Variants in FAS observed in about 807,000 individuals in gnomAD.
FAS encodes the protein tumor necrosis factor receptor superfamily member 6.
A neutral mutation model predicts 33.2 loss-of-function variants in FAS; 5 were observed. The observed-to-expected ratio is 0.15, with a 90% CI of 0.08 to 0.32. The LOEUF (loss-of-function observed/expected upper bound fraction) is 0.32, where lower values mean the gene tolerates loss of function less well. FAS is among the 10% of genes least tolerant of loss of function. The probability of loss-of-function intolerance (pLI) is 1.00; values close to 1 mark genes in which losing one functional copy is unlikely to be tolerated. For missense variants in FAS, 339 were observed against 386.0 expected (o/e 0.88, Z 1.02); for synonymous variants, 131 against 130.7 (o/e 1.00, Z -0.01).
Position 89,015,229 on chromosome 10 carries a change from A to C in FAS, c.*779A>C. The C allele has an allele frequency of 1.9e-6, 1 of 534,808 alleles. No homozygotes were observed. The highest frequency in any genetic ancestry group is 3.6e-6 in the Non-Finnish European group (1 of 276,708). The allele number at this position is 534,808 out of a possible 1,614,324, so 33.1% of individuals were successfully genotyped here. ...CCATTTTTGCCTTGGTGCTCATCTT[A>C]ATGGCCTAATGCACCCCCAAACATG... On this transcript the variant is annotated 3_prime_UTR_variant, in exon 9 of 9. Transcript: ENST00000652046.
chr10:88,989,976 G>C (rs1477323068), upstream of FAS, among the ~76,000 whole-genome samples: 1 of 152,194 alleles, frequency 6.6e-6, no homozygotes. Context: ...GTGTTCACCA[G>C]AGCACGAAAG....
In FAS at chr10:89,014,379, A is replaced by G. The variant is rs751341397; in HGVS notation, c.937A>G (p.Ile313Val). The G allele has an allele frequency of 2.5e-6, 4 of 1,613,494 alleles. No homozygotes were observed. Among genetic ancestry groups the G allele is most frequent in the East Asian group, 2.2e-5 (1 of 44,864 alleles). Residue 313 changes from isoleucine to valine, a missense_variant, in exon 9 of 9, where the codon ATC (isoleucine) becomes GTC (valine). By Grantham distance (29) the Ile-to-Val change is conservative (BLOSUM62 3). Transcript: ENST00000652046. The stretch of plus-strand genomic sequence containing the variant: ...TACTCTTGCAGAGAAAATTCAGACT[A>G]TCATCCTCAAGGACATTACTAGTGA... ...LCTLAEKIQT[I>V]ILKDITSDSE...
At chr10:88,973,182 A>T (rs962982640) in exon 2 of FAS, 1 of 1,611,834 alleles carries the variant, frequency 6.2e-7, no homozygotes, top group Non-Finnish European at 8.5e-7. Context: ...TGACCTATAG[A>T]TTCAGAAATT....
intron 2 of FAS, among the ~76,000 whole-genome samples, chr10:88,978,835 A>C (rs1846637734): frequency 6.6e-6 from 1 of 152,120 alleles, no homozygotes. Flanking sequence ...TGACACCTGA[A>C]GCTATTAGAA....
At chr10:88,981,928 A>G (rs541611134), upstream of FAS, among the ~76,000 whole-genome samples, 3 of 152,358 alleles carry the variant, frequency 2.0e-5, no homozygotes, top group East Asian at 5.8e-4. Context: ...TACTTGACAC[A>G]TGAACTTGAT....
chr10:88,995,950 AGGTTGTG>A (rs1847562293), intron 1 of FAS, among the ~76,000 whole-genome samples: 1 of 152,334 alleles, frequency 6.6e-6, no homozygotes, highest in East Asian at 1.9e-4. Flanking sequence ...AGCTTACTAT[AGGTTGTG>A]TTAAGGCATG....
rs774178288 is a variant in FAS at position 89,003,156 on chromosome 10, A to G, written c.158A>G (p.His53Arg). ...TVETQNLEGL[H>R]HDGQFCHKPC... ...GAGACTCAGAACTTGGAAGGCCTGC[A>G]TCATGATGGCCAATTCTGCCATAAG... Residue 53 changes from histidine to arginine, a missense_variant, in exon 2 of 9, where the codon CAT becomes CGT. His to Arg is a conservative substitution (Grantham distance 29). Coordinates refer to ENST00000652046, the MANE Select transcript of FAS (RefSeq NM_000043.6). The G allele has an allele frequency of 2.5e-6, 4 of 1,614,204 alleles. No homozygotes were observed. The African/African-American group carries it at 4.0e-5, about 16-fold the overall frequency.
chr10:89,005,557 G>A (rs1452827221), intron 2 of FAS, among the ~76,000 whole-genome samples: 1 of 151,896 alleles, frequency 6.6e-6, no homozygotes, highest in East Asian at 1.9e-4. Context: ...GCATATACAT[G>A]TATGTATGTA....
chr10:88,984,097 ATTCTAGTTCTGTTTATAAG>A (rs1846800229), upstream of FAS, among the ~76,000 whole-genome samples: 2 of 152,166 alleles, frequency 1.3e-5, no homozygotes, highest in African/African-American at 4.8e-5. Context: ...TCACAGAGCT[ATTCTAGTTCTGTTTATAAG>A]TAGTGTTCTT....
intron 6 of FAS, among the ~76,000 whole-genome samples, chr10:89,011,346 A>G (rs1848519142): frequency 6.6e-6 from 1 of 152,244 alleles, no homozygotes; most frequent in African/African-American, 2.4e-5. Flanking sequence ...TAATTAGTCT[A>G]GAAAAATCCC....
chr10:88,999,152 C>CAAAAAAA, intron 1 of FAS, among the ~76,000 whole-genome samples: 1 of 100,882 alleles, frequency 9.9e-6, no homozygotes, highest in South Asian at 3.2e-4. Context: ...GACTCCGTCT[C>CAAAAAAA]AAAAAAATAA....
Position 89,015,319 on chromosome 10 carries a change from C to T in FAS, c.*869C>T, listed in dbSNP as rs1231685794. On this transcript the variant is annotated 3_prime_UTR_variant, in exon 9 of 9. Transcript: ENST00000652046. ...CAAGACTGCCCTTAGAAATTCTAGC[C>T]TGGTTTGGAGATACTAACTGCTCTC... 1 of 534,608 alleles carries T rather than the reference C, an allele frequency of 1.9e-6. No homozygotes were observed. Among genetic ancestry groups the T allele is most frequent in the Non-Finnish European group, 3.6e-6 (1 of 276,666 alleles). The allele number at this position is 534,608 out of a possible 1,614,324, so 33.1% of individuals were successfully genotyped here. A position where few individuals can be genotyped will look rare whatever the true frequency, so the allele number is the denominator to read the frequency against.
intron 1 of FAS, among the ~76,000 whole-genome samples, chr10:88,998,071 G>C (rs934080855): frequency 1.1e-4 from 17 of 152,190 alleles, no homozygotes. Context: ...AGAATCAAGA[G>C]ACTATAGTTC....
chr10:88,974,277 G>A (rs1846515302), intron 2 of FAS: 1 of 151,688 alleles, frequency 6.6e-6, no homozygotes, highest in African/African-American at 2.4e-5. Context: ...GGCTCTCAAG[G>A]ACTCAATTTG....
chr10:89,011,876 A>G, intron 6 of FAS, 123 bp from the exon 7 acceptor site: 1 of 907,430 alleles, frequency 1.1e-6, no homozygotes, highest in South Asian at 1.5e-5. Context: ...ATGTTTGGCC[A>G]CTTTTAAGTT....
chr10:89,015,052 T>C lies in FAS; in HGVS notation c.*602T>C. The stretch of plus-strand genomic sequence containing the variant: ...TTTATTGGTGTCATATTATACAATA[T>C]TTCAATTGTGAATTCACATAGAAAA... On this transcript the variant is annotated 3_prime_UTR_variant, in exon 9 of 9. Transcript: ENST00000652046. The C allele has an allele frequency of 1.9e-6, 1 of 534,318 alleles. No homozygotes were observed. Among genetic ancestry groups the C allele is most frequent in the East Asian group, 3.9e-5 (1 of 25,688 alleles). 33.1% of individuals were successfully genotyped at this position (534,318 alleles called of 1,614,324 possible). A position where few individuals can be genotyped will look rare whatever the true frequency, so the allele number is the denominator to read the frequency against.
At chr10:88,999,746 G>C (rs1847822774) in intron 1 of FAS, among the ~76,000 whole-genome samples, 3 of 152,172 alleles carry the variant, frequency 2.0e-5, no homozygotes, top group Admixed American at 2.0e-4. Context: ...AGCGCAATGA[G>C]ATCCTAAATT....
chr10:88,993,413 G>A (rs1013803839), intron 1 of FAS, among the ~76,000 whole-genome samples: 4 of 152,086 alleles, frequency 2.6e-5, no homozygotes, highest in African/African-American at 9.7e-5. Flanking sequence ...GAAGGGATGT[G>A]GATCCATGAG....
chr10:88,966,690 T>A (rs1384286431), intron 1 of FAS, among the ~76,000 whole-genome samples: 1 of 152,192 alleles, frequency 6.6e-6, no homozygotes, highest in African/African-American at 2.4e-5. Flanking sequence ...ATCACCTGCA[T>A]ATCAGTTTCC....
Sources: allele counts gnomAD v4.1 joint callset (sites outside exome capture counted in the v4.1 genomes callset), GRCh38; gene constraint gnomAD v4.1.1; transcripts MANE v1.5; gene names NCBI Gene and HGNC (gene_info 2026-07-23, HGNC 2026-07-21).